The following MALRD1 variants were observed in gnomAD, a reference collection of about 807,000 sequenced individuals.
The protein encoded by MALRD1 is MAM and LDL-receptor class A domain-containing protein 1.
Under a neutral mutation model 242.1 loss-of-function variants are expected in MALRD1, and 247 were observed. That is an observed-to-expected ratio of 1.02 (90% CI 0.92 to 1.13). MALRD1 has a LOEUF of 1.13. MALRD1 is among the 50% of genes most tolerant of loss of function. The probability of loss-of-function intolerance (pLI) is 0.00; values close to 1 mark genes in which losing one functional copy is unlikely to be tolerated. For missense variants in MALRD1, 2,989 were observed against 2,533.1 expected (o/e 1.18, Z -3.86); for synonymous variants, 995 against 866.6 (o/e 1.15, Z -2.60).
intron 28 of MALRD1, among the ~76,000 whole-genome samples, chr10:19,405,303 C>G (rs985359429): frequency 6.6e-6 from 1 of 152,288 alleles, no homozygotes; most frequent in South Asian, 2.1e-4. Context: ...TCCTCTCCCT[C>G]TTTGAAGTCC....
At chr10:19,428,761 G>T (rs142881888) in intron 28 of MALRD1, among the ~76,000 whole-genome samples, 74 of 152,162 alleles carry the variant, frequency 4.9e-4, no homozygotes, top group Non-Finnish European at 9.3e-4. Context: ...TAAAGTTTAC[G>T]TATAAGTTAA....
intron 32 of MALRD1, among the ~76,000 whole-genome samples, chr10:19,550,623 C>T (rs956492815): frequency 6.6e-6 from 1 of 152,022 alleles, no homozygotes; most frequent in Non-Finnish European, 1.5e-5. Flanking sequence ...GCATTAGTTT[C>T]CTGAGGATAA....
At chr10:19,340,680 T>A (rs1345760509) in intron 24 of MALRD1, among the ~76,000 whole-genome samples, 1 of 152,178 alleles carries the variant, frequency 6.6e-6, no homozygotes. Flanking sequence ...CAAACTCTTA[T>A]ACTCAATCAC....
At chr10:19,338,884 C>T (rs55898961) in intron 24 of MALRD1, among the ~76,000 whole-genome samples, 1 of 149,878 alleles carries the variant, frequency 6.7e-6, no homozygotes, top group Admixed American at 6.7e-5. Context: ...CACACACACA[C>T]GCACATATAT....
rs201012412 is a variant in MALRD1 at position 19,515,586 on chromosome 10, G to A, written c.5321-15608G>A. Among the ~76,000 whole-genome samples, 3 of 151,672 alleles carry A rather than the reference G, an allele frequency of 2.0e-5. No individual in the cohort carries two copies. In the East Asian group the frequency reaches 5.8e-4, roughly 29 times the overall value. ...ATTTATTTATTTTTTTTGAGACAGA[G>A]TCTCGCTCTGTTGCCCAGGCTGGAG... On this transcript the variant is annotated intron_variant, in intron 31 of 39. Coordinates refer to ENST00000454679, the MANE Select transcript of MALRD1 (RefSeq NM_001142308.3).
chr10:19,077,959 G>A (rs1364452204), intron 2 of MALRD1, among the ~76,000 whole-genome samples: 1 of 150,078 alleles, frequency 6.7e-6, no homozygotes, highest in South Asian at 2.1e-4. Flanking sequence ...AACTCATAAA[G>A]TAATTTTATT....
chr10:19,119,336 G>A (rs1280666843), intron 5 of MALRD1, among the ~76,000 whole-genome samples: 1 of 152,164 alleles, frequency 6.6e-6, no homozygotes, highest in African/African-American at 2.4e-5. Context: ...TCATCAAGAT[G>A]GGAATTGCAA....
At chr10:19,655,737 C>T (rs960360092) in intron 36 of MALRD1, among the ~76,000 whole-genome samples, 1 of 151,546 alleles carries the variant, frequency 6.6e-6, no homozygotes, top group Non-Finnish European at 1.5e-5. Flanking sequence ...TCATTATTAC[C>T]ACATCTCTGA....
At chr10:19,088,564 T>G (rs1395179586) in intron 4 of MALRD1, among the ~76,000 whole-genome samples, 2 of 87,176 alleles carry the variant, frequency 2.3e-5, no homozygotes, top group African/African-American at 1.3e-4. Context: ...TTTTATAAAG[T>G]TTTTTTTTAT....
chr10:19,425,467 G>A (rs971994281), intron 28 of MALRD1, among the ~76,000 whole-genome samples: 121 of 152,130 alleles, frequency 8.0e-4, no homozygotes, highest in African/African-American at 2.8e-3. Flanking sequence ...TGTATACATG[G>A]ATCCATACCC....
At chr10:19,567,458 C>G (rs1836306147) in intron 32 of MALRD1, 44 bp from the exon 33 acceptor site, 1 of 1,490,036 alleles carries the variant, frequency 6.7e-7, no homozygotes, top group African/African-American at 1.4e-5. Flanking sequence ...CCTGATACTT[C>G]TAATATCCAA....
rs71387056 is a variant in MALRD1, at chr10:19,211,684, C to CAA, written c.2991+2037_2991+2038dup. Reference sequence around the variant, plus strand: ...CTGGGCAACAAAGCATGACTCCTCACAAAAAAAAAAAAAAAAAAAAAAAAA... The same window carrying CAA: ...CTGGGCAACAAAGCATGACTCCTCACAAAAAAAAAAAAAAAAAAAAAAAAAAA... On this transcript the variant is annotated intron_variant, in intron 18 of 39. Transcript: ENST00000454679. 5.2e-3 allele frequency among the ~76,000 whole-genome samples: 347 copies of CAA among 67,352 alleles called. 19 individuals carry two copies. Among genetic ancestry groups the CAA allele is most frequent in the African/African-American group, 8.0e-3 (130 of 16,220 alleles). The allele number at this position is 67,352 out of a possible 152,430, so 44.2% of individuals were successfully genotyped here.
rs1480294253 is a variant in MALRD1, at chr10:19,238,504, A to AT, written c.2992-19179dup. On this transcript the variant is annotated intron_variant, in intron 18 of 39. Transcript: ENST00000454679. ...TACATTATATATAATATATAATATA[A>AT]TATATAATGTATATTATATATAATA... Among the ~76,000 whole-genome samples the AT allele has an allele frequency of 3.3e-4, 9 of 27,524 alleles. 1 individual carries two copies. Among genetic ancestry groups the AT allele is most frequent in the African/African-American group, 1.7e-3 (8 of 4,758 alleles). 18.1% of individuals were successfully genotyped at this position (27,524 alleles called of 152,430 possible).
intron 26 of MALRD1, among the ~76,000 whole-genome samples, chr10:19,355,262 G>C (rs1323181476): frequency 3.3e-5 from 5 of 152,130 alleles, no homozygotes; most frequent in Non-Finnish European, 7.4e-5. Flanking sequence ...AGGAAATAGA[G>C]CCAAATTGTG....
At chr10:19,561,911 T>C (rs1370783388) in intron 32 of MALRD1, among the ~76,000 whole-genome samples, 1 of 152,172 alleles carries the variant, frequency 6.6e-6, no homozygotes, top group African/African-American at 2.4e-5. Flanking sequence ...CAGGCCTCAC[T>C]GACAAGAACA....
intron 21 of MALRD1, among the ~76,000 whole-genome samples, chr10:19,286,277 C>T (rs1384798031): frequency 6.7e-6 from 1 of 148,692 alleles, no homozygotes. Flanking sequence ...CTGGCCAGAA[C>T]TTCCAACACT....
rs748992275 is a variant in MALRD1, at chr10:19,352,248, A to T, written c.4392A>T (p.Leu1464=). ...LDDIVLTENC[L]SLHDSVQEEL... ...ACATTGTGCTTACAGAAAATTGTCT[A>T]TCACTCCATGATTCCGTGCAAGAAG... is the stretch of plus-strand genomic sequence containing the variant. Residue 1464 remains leucine (L), a synonymous_variant, in exon 26 of 40, where the codon CTA becomes CTT. Transcript: ENST00000454679. 2.6e-6 allele frequency: 4 copies of T among 1,550,392 alleles called. No individual in the cohort carries two copies. Among genetic ancestry groups the T allele is most frequent in the Non-Finnish European group, 3.5e-6 (4 of 1,146,878 alleles).
chr10:19,354,946 T>C lies in MALRD1; in HGVS notation c.4441+2649T>C, dbSNP rs143305935. Among the ~76,000 whole-genome samples, 23 of 152,274 alleles carry C rather than the reference T, an allele frequency of 1.5e-4. No individual in the cohort carries two copies. The East Asian group carries it at 4.4e-3, about 29-fold the overall frequency. On this transcript the variant is annotated intron_variant, in intron 26 of 39. Transcript: ENST00000454679. ...AGAAAAGTAAGCAGAAAAACGTTTA[T>C]GAGGTTGTAGTGAAAAATAAAACAT...
chr10:19,631,237 A>C (rs1839884892), intron 36 of MALRD1, among the ~76,000 whole-genome samples: 2 of 152,186 alleles, frequency 1.3e-5, no homozygotes, highest in African/African-American at 4.8e-5. Context: ...AAGTGAGAAC[A>C]GGTGGAATGT....
Sources: allele counts gnomAD v4.1 joint callset (sites outside exome capture counted in the v4.1 genomes callset), GRCh38; gene constraint gnomAD v4.1.1; transcripts MANE v1.5; gene names NCBI Gene and HGNC (gene_info 2026-07-23, HGNC 2026-07-21).